The following CNTLN variants were observed in gnomAD, a reference collection of about 807,000 sequenced individuals.
CNTLN encodes the protein centlein.
A neutral mutation model predicts 180.0 loss-of-function variants in CNTLN; 212 were observed. The ratio of observed to expected loss-of-function variants is 1.18; its 90% confidence interval spans 1.05 to 1.32. The LOEUF (loss-of-function observed/expected upper bound fraction) is 1.32, where lower values mean the gene tolerates loss of function less well. CNTLN is among the 40% of genes most tolerant of loss of function. CNTLN has a pLI of 0.00. For synonymous variants in CNTLN, 722 were observed against 563.1 expected (o/e 1.28, Z -3.99); for missense variants, 2,095 against 1,610.9 (o/e 1.30, Z -5.14).
chr9:17,311,566 T>C (rs979377513), intron 8 of CNTLN, among the ~76,000 whole-genome samples: 5 of 151,494 alleles, frequency 3.3e-5, no homozygotes, highest in African/African-American at 9.7e-5. Context: ...TCCCAGCACT[T>C]TGAGAGGCCG....
intron 2 of CNTLN, chr9:17,166,688 T>C (rs60503811): frequency 0.013 from 3,580 of 268,848 alleles, 59 homozygotes; most frequent in African/African-American, 0.05. Flanking sequence ...GCAATGCTTT[T>C]GTAATTCTGG....
chr9:17,300,025 C>T (rs1031029322), intron 7 of CNTLN: 1 of 153,764 alleles, frequency 6.5e-6, no homozygotes, highest in Non-Finnish European at 1.4e-5. Context: ...TATCCTCACA[C>T]CCTAGGTGAT....
chr9:17,366,983 A>C (rs547029777), intron 13 of CNTLN, among the ~76,000 whole-genome samples: 4 of 152,308 alleles, frequency 2.6e-5, no homozygotes, highest in African/African-American at 7.2e-5. Context: ...GGAACTCCAA[A>C]TTTAAGAACT....
intron 25 of CNTLN, among the ~76,000 whole-genome samples, chr9:17,493,090 G>T (rs1464571351): frequency 6.6e-6 from 1 of 151,054 alleles, no homozygotes; most frequent in African/African-American, 2.4e-5. Flanking sequence ...GGAATGGGGA[G>T]TTACTGTTTA....
At chr9:17,316,134 A>AT (rs1233125590) in intron 8 of CNTLN, among the ~76,000 whole-genome samples, 1 of 151,778 alleles carries the variant, frequency 6.6e-6, no homozygotes, top group Non-Finnish European at 1.5e-5. Context: ...AAGTGCATGT[A>AT]TTTTTATAAT....
At chr9:17,514,809 C>G in the CNTLN span, among the ~76,000 whole-genome samples, 1 of 152,176 alleles carries the variant, frequency 6.6e-6, no homozygotes, top group African/African-American at 2.4e-5. Context: ...ATTATTGTGA[C>G]TGTAACTCTA....
chr9:17,264,470 G>C (rs1260218693), intron 5 of CNTLN, among the ~76,000 whole-genome samples: 1 of 149,348 alleles, frequency 6.7e-6, no homozygotes, highest in Admixed American at 6.6e-5. Flanking sequence ...TTTGAAGTCA[G>C]GTATCATGAT....
At chr9:17,309,823 G>GGCA (rs375731784) in intron 8 of CNTLN, among the ~76,000 whole-genome samples, 19 of 151,558 alleles carry the variant, frequency 1.3e-4, no homozygotes, top group South Asian at 4.2e-4. Flanking sequence ...TAATCTTCAG[G>GGCA]GCAACTTTCA....
chr9:17,435,547 C>T (rs1829718069), intron 18 of CNTLN, among the ~76,000 whole-genome samples: 1 of 145,032 alleles, frequency 6.9e-6, no homozygotes, highest in South Asian at 2.1e-4. Context: ...TGAGAGTACT[C>T]AAAGAGTGGC....
At chr9:17,203,496 T>C (rs1390739217) in intron 2 of CNTLN, among the ~76,000 whole-genome samples, 1 of 152,174 alleles carries the variant, frequency 6.6e-6, no homozygotes, top group Non-Finnish European at 1.5e-5. Context: ...TCTTGTCACA[T>C]AGTGCCCTAA....
intron 2 of CNTLN, among the ~76,000 whole-genome samples, chr9:17,215,217 A>G (rs1472158206): frequency 2.0e-5 from 3 of 152,184 alleles, no homozygotes; most frequent in African/African-American, 4.8e-5. Flanking sequence ...ATGGTGACGT[A>G]CAGATGGGGT....
At chr9:17,521,535 C>T in the CNTLN span, among the ~76,000 whole-genome samples, 111 of 152,240 alleles carry the variant, frequency 7.3e-4, no homozygotes, top group African/African-American at 2.6e-3. Context: ...GTTTAATAGC[C>T]TAGCTTTTAG....
chr9:17,510,156 G>A, the CNTLN span, among the ~76,000 whole-genome samples: 1 of 152,068 alleles, frequency 6.6e-6, no homozygotes, highest in African/African-American at 2.4e-5. Context: ...AGACACTTCA[G>A]GATTGAAGGT....
intron 2 of CNTLN, among the ~76,000 whole-genome samples, chr9:17,172,876 A>G (rs1455817366): frequency 6.6e-6 from 1 of 152,180 alleles, no homozygotes; most frequent in Non-Finnish European, 1.5e-5. Context: ...GATTAATATC[A>G]TATTTATTTA....
chr9:17,283,731 G>A (rs1340511689), intron 6 of CNTLN, among the ~76,000 whole-genome samples: 1 of 152,130 alleles, frequency 6.6e-6, no homozygotes, highest in Non-Finnish European at 1.5e-5. Flanking sequence ...TTGGCTGTGG[G>A]TTTGTCATAA....
intron 12 of CNTLN, among the ~76,000 whole-genome samples, chr9:17,345,548 G>C (rs1362334766): frequency 7.0e-6 from 1 of 143,292 alleles, no homozygotes; most frequent in Non-Finnish European, 1.5e-5. Context: ...TTTTTTTTTA[G>C]TATTTGCTCT....
intron 5 of CNTLN, among the ~76,000 whole-genome samples, chr9:17,266,127 A>T (rs7470216): frequency 0.58 from 86,432 of 150,236 alleles, 27,701 homozygotes; most frequent in African/African-American, 0.86. Flanking sequence ...TTAATTGTGA[A>T]GTTAGGGTGT....
intron 23 of CNTLN, among the ~76,000 whole-genome samples, chr9:17,470,931 T>G (rs1832015603): frequency 6.6e-6 from 1 of 152,056 alleles, no homozygotes; most frequent in South Asian, 2.1e-4. Context: ...GCATTAGAAT[T>G]TTAATTTTAC....
intron 19 of CNTLN, among the ~76,000 whole-genome samples, chr9:17,460,154 C>T (rs753963918): frequency 2.0e-5 from 3 of 151,530 alleles, no homozygotes; most frequent in Admixed American, 6.6e-5. Flanking sequence ...GGTTCATTTA[C>T]AGTTGAGAAA....
Sources: gnomAD v4.1 joint callset for allele counts (sites outside exome capture counted in the v4.1 genomes callset) on GRCh38, gnomAD v4.1.1 for gene constraint, MANE v1.5 for transcripts, NCBI Gene and HGNC (gene_info 2026-07-23, HGNC 2026-07-21) for gene names.